DCAF6: variants seen among roughly 807,000 people sequenced by gnomAD.
The protein encoded by DCAF6 is DDB1- and CUL4-associated factor 6.
In DCAF6, 54 loss-of-function variants were observed where a neutral mutation model predicts 125.1. The ratio of observed to expected loss-of-function variants is 0.43; its 90% confidence interval spans 0.35 to 0.54. The LOEUF (loss-of-function observed/expected upper bound fraction) is 0.54, where lower values mean the gene tolerates loss of function less well. Among genes scored for constraint, DCAF6 ranks in the 20% least tolerant of loss-of-function variants. DCAF6 has a pLI of 0.01. For missense variants in DCAF6, 934 were observed against 1,161.7 expected (o/e 0.80, Z 2.85); for synonymous variants, 371 against 390.4 (o/e 0.95, Z 0.58).
intron 12 of DCAF6, among the ~76,000 whole-genome samples, chr1:168,036,215 T>C (rs1050698632): frequency 1.3e-5 from 2 of 152,242 alleles, no homozygotes; most frequent in Non-Finnish European, 2.9e-5. Flanking sequence ...CTTAATAGTT[T>C]GTGTAATATA....
At chr1:167,946,198 T>C (rs149861697) in intron 1 of DCAF6, among the ~76,000 whole-genome samples, 2 of 151,564 alleles carry the variant, frequency 1.3e-5, no homozygotes, top group African/African-American at 2.4e-5. Flanking sequence ...TCAGGTGATC[T>C]GGCCACCTCA....
chr1:167,940,669 C>T lies in DCAF6; in HGVS notation c.97+3661C>T, dbSNP rs115901801. On this transcript the variant is annotated intron_variant, in intron 1 of 21. Coordinates refer to ENST00000367840, the MANE Select transcript of DCAF6 (RefSeq NM_001198956.2). Reference sequence around the variant, plus strand: ...CAGATTTTATTATCCCATATATATACGGTTTTGTAAAGATAAACATTGTTA... The same window carrying T: ...CAGATTTTATTATCCCATATATATATGGTTTTGTAAAGATAAACATTGTTA... Among the ~76,000 whole-genome samples, 761 of 152,120 alleles carry T rather than the reference C, an allele frequency of 5.0e-3. 7 individuals carry two copies. Among genetic ancestry groups the T allele is most frequent in the Non-Finnish European group, 7.2e-3 (492 of 67,998 alleles).
chr1:167,863,977 C>A, the DCAF6 span, among the ~76,000 whole-genome samples: 1 of 152,128 alleles, frequency 6.6e-6, no homozygotes, highest in East Asian at 1.9e-4. Context: ...TGGGAACTTG[C>A]CCACTCCATT....
intron 12 of DCAF6, among the ~76,000 whole-genome samples, chr1:168,025,514 C>G (rs187107911): frequency 6.6e-6 from 1 of 152,236 alleles, no homozygotes; most frequent in East Asian, 1.9e-4. Flanking sequence ...GACCTCTGAG[C>G]AGAAATGTTC....
At position 167,977,848 on chromosome 1, in the gene DCAF6, A is replaced by G. The variant is rs1245172749; in HGVS notation, c.438+2833A>G. Among the ~76,000 whole-genome samples the G allele has an allele frequency of 2.6e-5, 4 of 152,332 alleles. No individual in the cohort carries two copies. In the East Asian group the frequency reaches 7.7e-4, roughly 29 times the overall value. ...GTATATGGCTTAGTGAATTATCACA[A>G]AGCAAATCTATTCATGTAACTACCA... On this transcript the variant is annotated intron_variant, in intron 4 of 21. Transcript: ENST00000367840.
chr1:167,949,224 A>G (rs80338468), intron 1 of DCAF6, among the ~76,000 whole-genome samples: 1,708 of 152,284 alleles, frequency 0.011, 37 homozygotes, highest in African/African-American at 0.038. Flanking sequence ...TGGTAAGTTC[A>G]TCCATAACAA....
chr1:168,072,396 C>G (rs1357645312), intron 21 of DCAF6, among the ~76,000 whole-genome samples: 2 of 148,836 alleles, frequency 1.3e-5, no homozygotes, highest in Non-Finnish European at 3.0e-5. Flanking sequence ...TTCCCTCTCA[C>G]TTAGTCATTC....
intron 3 of DCAF6, among the ~76,000 whole-genome samples, chr1:167,969,930 C>T (rs1002197343): frequency 2.6e-5 from 4 of 152,176 alleles, no homozygotes; most frequent in Admixed American, 2.6e-4. Context: ...GTGTGTGCCA[C>T]CACGCCCGGC....
chr1:167,919,933 TA>T, the DCAF6 span: 1 of 1,429,040 alleles, frequency 7.0e-7, no homozygotes, highest in Non-Finnish European at 9.6e-7. Flanking sequence ...TAGTGCCATC[TA>T]AGTAGCTTTT....
At chr1:167,894,014 C>T in the DCAF6 span, 3 of 1,024,548 alleles carry the variant, frequency 2.9e-6, no homozygotes, top group South Asian at 3.9e-5. Context: ...GAGGAGGCTC[C>T]CAGTCCCTAT....
the DCAF6 span, among the ~76,000 whole-genome samples, chr1:167,892,924 T>C: frequency 6.6e-6 from 1 of 152,232 alleles, no homozygotes; most frequent in Non-Finnish European, 1.5e-5. Flanking sequence ...AAGGCTGTAG[T>C]GTTCTCTGGG....
At chr1:168,017,427 A>C (rs762759284) in intron 11 of DCAF6, among the ~76,000 whole-genome samples, 4 of 152,124 alleles carry the variant, frequency 2.6e-5, no homozygotes, top group Non-Finnish European at 4.4e-5. Context: ...GGAAAGAAGT[A>C]TACATTGTAG....
chr1:168,027,142 G>GACGTGATTGC (rs1686440072), intron 12 of DCAF6, among the ~76,000 whole-genome samples: 1 of 152,110 alleles, frequency 6.6e-6, no homozygotes, highest in East Asian at 1.9e-4. Context: ...TGACATTGTA[G>GACGTGATTGC]TTTGAGATAT....
At chr1:168,036,293 A>G (rs1328869405) in intron 12 of DCAF6, among the ~76,000 whole-genome samples, 1 of 152,182 alleles carries the variant, frequency 6.6e-6, no homozygotes, top group African/African-American at 2.4e-5. Context: ...GAAAGTTTTC[A>G]TATATCATTT....
the DCAF6 span, chr1:167,878,438 A>T: frequency 6.2e-6 from 10 of 1,613,188 alleles, no homozygotes; most frequent in Admixed American, 1.3e-4. Context: ...TTAATGCTCC[A>T]CACTCACACT....
intron 17 of DCAF6, among the ~76,000 whole-genome samples, chr1:168,055,749 G>T (rs1306567519): frequency 1.9e-5 from 2 of 105,800 alleles, no homozygotes; most frequent in East Asian, 2.1e-4. Flanking sequence ...AAGTTAAAGG[G>T]CATTTTCTTT....
Position 168,063,804 on chromosome 1 carries a change from GCT to G in DCAF6, c.2439+48_2439+49del, listed in dbSNP as rs999136917. Reference sequence around the variant, plus strand: ...TTTTTTGGTGAAATTGCAGTTTCATGCTCTGAGTGTTTTTCCATAATGATTTA... The same window carrying G: ...TTTTTTGGTGAAATTGCAGTTTCATGCTGAGTGTTTTTCCATAATGATTTA... On this transcript the variant is annotated intron_variant, in intron 18 of 21. Coordinates refer to ENST00000367840, the MANE Select transcript of DCAF6 (RefSeq NM_001198956.2). 21 of 1,566,758 alleles carry G rather than the reference GCT, an allele frequency of 1.3e-5. No homozygotes were observed. The African/African-American group carries it at 2.8e-4, about 21-fold the overall frequency.
chr1:167,949,077 G>C (rs1286741462), intron 1 of DCAF6, among the ~76,000 whole-genome samples: 4 of 152,158 alleles, frequency 2.6e-5, no homozygotes, highest in Non-Finnish European at 5.9e-5. Flanking sequence ...CACTGTATTA[G>C]GTATTTGGAA....
At chr1:167,951,648 A>G (rs1417883194) in intron 1 of DCAF6, 152 bp from the exon 2 acceptor site, 1 of 562,612 alleles carries the variant, frequency 1.8e-6, no homozygotes, top group Non-Finnish European at 3.2e-6. Context: ...GGCGGAGGTT[A>G]AATTGCCCAG....
Sources: allele counts gnomAD v4.1 joint callset (sites outside exome capture counted in the v4.1 genomes callset), GRCh38; gene constraint gnomAD v4.1.1; transcripts MANE v1.5; gene names NCBI Gene and HGNC (gene_info 2026-07-23, HGNC 2026-07-21).